CACNA2D3: variants seen among roughly 807,000 people sequenced by gnomAD.
The protein encoded by CACNA2D3 is calcium voltage-gated channel auxiliary subunit alpha2delta 3.
CACNA2D3 carries 60 observed loss-of-function variants against 160.6 expected under a neutral mutation model. The observed-to-expected ratio is 0.37, with a 90% CI of 0.30 to 0.46. CACNA2D3 has a LOEUF of 0.46. CACNA2D3 is among the 20% of genes least tolerant of loss of function. CACNA2D3 has a pLI of 1.00. For missense variants in CACNA2D3, 1,205 were observed against 1,365.0 expected (o/e 0.88, Z 1.85); for synonymous variants, 558 against 492.9 (o/e 1.13, Z -1.75).
chr3:54,887,962 A>G lies in CACNA2D3; in HGVS notation c.2060A>G (p.Asp687Gly). ...LKGKEPLLQC[D>G]KELIQEVLFD... Reference sequence around the variant, plus strand: ...TCTTGTCTGTCCCTCCCAACAGGTGATAAAGAATTGATCCAAGAAGTCCTT... The same window carrying G: ...TCTTGTCTGTCCCTCCCAACAGGTGGTAAAGAATTGATCCAAGAAGTCCTT... Residue 687 changes from aspartate (D) to glycine (G), a missense_variant, in exon 24 of 38, where the codon GAT becomes GGT. By Grantham distance (94) the Asp-to-Gly change is moderately conservative. This residue lies in a region of CACNA2D3 where 911 missense variants were observed against 1,002.2 expected (regional missense o/e 0.91). Transcript: ENST00000474759. 1 of 1,613,692 alleles carries G rather than the reference A, an allele frequency of 6.2e-7. No homozygotes were observed. Among genetic ancestry groups the G allele is most frequent in the Non-Finnish European group, 8.5e-7 (1 of 1,179,614 alleles).
chr3:54,361,532 G>C (rs1446430122), intron 3 of CACNA2D3, among the ~76,000 whole-genome samples: 1 of 152,216 alleles, frequency 6.6e-6, no homozygotes, highest in Non-Finnish European at 1.5e-5. Flanking sequence ...GCAGATACCT[G>C]CATTACAATC....
At chr3:54,148,526 CAG>C (rs1284022054) in intron 2 of CACNA2D3, among the ~76,000 whole-genome samples, 4 of 152,138 alleles carry the variant, frequency 2.6e-5, no homozygotes, top group Non-Finnish European at 5.9e-5. Flanking sequence ...GGGTCAGAGT[CAG>C]TGTGGCCTGA....
chr3:54,879,084 A>G lies in CACNA2D3; in HGVS notation c.1777A>G (p.Lys593Glu), dbSNP rs768224669. ...CATGGAGGTGAAGAAGACAGTGGAC[A>G]AAGGGGTACATTTTTCTCAAACATT... The part of the protein sequence containing the change: ...FSMEVKKTVD[K>E]GKRVLVMTND... Residue 593 changes from lysine (K) to glutamate (E), a missense_variant, in exon 19 of 38, where the codon AAA (lysine) becomes GAA (glutamate). Physicochemically the swap from Lys to Glu is moderately conservative, Grantham distance 56. This residue lies in a region of CACNA2D3 where 911 missense variants were observed against 1,002.2 expected (regional missense o/e 0.91). Transcript: ENST00000474759. 3.1e-6 allele frequency: 5 copies of G among 1,591,956 alleles called. No homozygotes were observed. The African/African-American group carries it at 6.8e-5, about 22-fold the overall frequency.
At chr3:54,425,361 CAG>C (rs1258851788) in intron 4 of CACNA2D3, among the ~76,000 whole-genome samples, 1 of 151,754 alleles carries the variant, frequency 6.6e-6, no homozygotes, top group East Asian at 1.9e-4. Context: ...ACAAAGAAGT[CAG>C]AAAGATTTAA....
intron 35 of CACNA2D3, among the ~76,000 whole-genome samples, chr3:55,037,217 C>T (rs1703840327): frequency 6.6e-6 from 1 of 152,202 alleles, no homozygotes; most frequent in Admixed American, 6.5e-5. Flanking sequence ...CATTTGCACT[C>T]CTCCCTCTCC....
At chr3:54,172,482 A>G (rs9859850) in intron 2 of CACNA2D3, among the ~76,000 whole-genome samples, 73,715 of 151,982 alleles carry the variant, frequency 0.49, 18,152 homozygotes, top group South Asian at 0.67. Context: ...GGCCCACTAC[A>G]TATAGGTGGG....
At chr3:54,425,704 A>G (rs929256568) in intron 4 of CACNA2D3, among the ~76,000 whole-genome samples, 1 of 152,190 alleles carries the variant, frequency 6.6e-6, no homozygotes, top group Non-Finnish European at 1.5e-5. Context: ...GGGAGCTCAG[A>G]TGTTGCTTGT....
chr3:54,127,147 G>A (rs1449338), intron 2 of CACNA2D3, among the ~76,000 whole-genome samples: 58,918 of 151,992 alleles, frequency 0.39, 11,680 homozygotes, highest in East Asian at 0.6. Context: ...CAATGTTCAC[G>A]GGAATGAAGG....
At chr3:54,401,691 C>G (rs998910823) in intron 4 of CACNA2D3, among the ~76,000 whole-genome samples, 3 of 152,092 alleles carry the variant, frequency 2.0e-5, no homozygotes, top group Admixed American at 6.5e-5. Flanking sequence ...AAAGTCTTTC[C>G]TAGGCAAGCA....
At chr3:54,149,719 C>T (rs1195611900) in intron 2 of CACNA2D3, among the ~76,000 whole-genome samples, 2 of 152,044 alleles carry the variant, frequency 1.3e-5, no homozygotes, top group African/African-American at 2.4e-5. Context: ...ACAGCAAGCT[C>T]GGTCCCCAGT....
chr3:54,855,561 G>A (rs1405961803), intron 17 of CACNA2D3, among the ~76,000 whole-genome samples: 2 of 152,116 alleles, frequency 1.3e-5, no homozygotes, highest in African/African-American at 4.8e-5. Context: ...AAGAGAGAAA[G>A]AAGAAAGGAA....
At chr3:54,599,993 T>C (rs1043092450) in intron 9 of CACNA2D3, among the ~76,000 whole-genome samples, 1 of 152,210 alleles carries the variant, frequency 6.6e-6, no homozygotes, top group Non-Finnish European at 1.5e-5. Flanking sequence ...GGCATAAGTC[T>C]GCTGGCACAG....
chr3:54,762,753 A>G lies in CACNA2D3; in HGVS notation c.1247-1465A>G, dbSNP rs180808962. Among the ~76,000 whole-genome samples, 13 of 152,316 alleles carry G rather than the reference A, an allele frequency of 8.5e-5. No homozygotes were observed. In the East Asian group the frequency reaches 2.5e-3, roughly 29 times the overall value. ...ACTAAAGACCAAAATAGTGTCACCA[A>G]TCACAAGACAACAGCATGGTGAGAA... On this transcript the variant is annotated intron_variant, in intron 12 of 37. Transcript: ENST00000474759.
intron 4 of CACNA2D3, among the ~76,000 whole-genome samples, chr3:54,462,227 G>A (rs2106845935): frequency 6.6e-6 from 1 of 152,304 alleles, no homozygotes; most frequent in African/African-American, 2.4e-5. Flanking sequence ...TAGGTGTGGT[G>A]TGGTGCTGAA....
intron 5 of CACNA2D3, among the ~76,000 whole-genome samples, chr3:54,524,916 A>G (rs1476238564): frequency 6.6e-6 from 1 of 152,108 alleles, no homozygotes; most frequent in East Asian, 1.9e-4. Flanking sequence ...TATAGATAAC[A>G]TGTACTTGGT....
At chr3:54,598,938 C>T (rs948367354) in intron 9 of CACNA2D3, among the ~76,000 whole-genome samples, 2 of 152,110 alleles carry the variant, frequency 1.3e-5, no homozygotes, top group Admixed American at 6.6e-5. Context: ...TTTTCGTGGC[C>T]AGCATCTAAT....
At chr3:54,440,994 A>G (rs1422711404) in intron 4 of CACNA2D3, among the ~76,000 whole-genome samples, 3 of 152,086 alleles carry the variant, frequency 2.0e-5, no homozygotes, top group Non-Finnish European at 4.4e-5. Context: ...TCCTTTGGGT[A>G]AATACCCAGT....
At chr3:54,287,238 C>G (rs1703055544) in intron 2 of CACNA2D3, among the ~76,000 whole-genome samples, 1 of 152,032 alleles carries the variant, frequency 6.6e-6, no homozygotes, top group Non-Finnish European at 1.5e-5. Context: ...GGAAGATATA[C>G]CAAGCAAATG....
chr3:54,735,310 C>T (rs866465213), intron 11 of CACNA2D3, among the ~76,000 whole-genome samples: 4 of 152,162 alleles, frequency 2.6e-5, no homozygotes, highest in African/African-American at 4.8e-5. Context: ...GGAAGCTCTG[C>T]CCCCATATCT....
Sources: gnomAD v4.1 joint callset for allele counts (sites outside exome capture counted in the v4.1 genomes callset) on GRCh38, gnomAD v4.1.1 for gene constraint, gnomAD v4.1.1 regional missense constraint, MANE v1.5 for transcripts, NCBI Gene and HGNC (gene_info 2026-07-23, HGNC 2026-07-21) for gene names.